FBXO11: variants seen among roughly 807,000 people sequenced by gnomAD.
The protein encoded by FBXO11 is F-box protein 11.
In FBXO11, 13 loss-of-function variants were observed where a neutral mutation model predicts 117.0. That is an observed-to-expected ratio of 0.11 (90% CI 0.07 to 0.18). The LOEUF (loss-of-function observed/expected upper bound fraction) is 0.18. FBXO11 is among the 10% of genes least tolerant of loss of function. FBXO11 has a pLI of 1.00. For missense variants in FBXO11, 767 were observed against 1,164.4 expected (o/e 0.66, Z 4.97); for synonymous variants, 490 against 380.5 (o/e 1.29, Z -3.35).
chr2:47,809,573 T>C (rs1473655496), intron 20 of FBXO11, 27 bp downstream of exon 20: 2 of 1,483,230 alleles, frequency 1.3e-6, no homozygotes, highest in Non-Finnish European at 1.9e-6. Context: ...TTGCATATAT[T>C]TATAGGTATA....
chr2:47,886,648 T>A (rs549248990), intron 1 of FBXO11, among the ~76,000 whole-genome samples: 23 of 152,284 alleles, frequency 1.5e-4, no homozygotes, highest in Non-Finnish European at 2.9e-4. Flanking sequence ...TTGTGGTACA[T>A]TCATGTAAGG....
chr2:47,809,082 A>G lies in FBXO11; in HGVS notation c.2555+76T>C, dbSNP rs571861240. 3 of 920,014 alleles carry G rather than the reference A, an allele frequency of 3.3e-6. No homozygotes were observed. In the East Asian group the frequency reaches 7.6e-5, roughly 23 times the overall value. The allele number at this position is 920,014 out of a possible 1,614,324, so 57.0% of individuals were successfully genotyped here. ...TAGTCTCAACACCGGCAAATAGCCAAAAATGCTAGGCATTGCTAATTTAAA... is the reference window on the plus strand; with the variant it reads ...TAGTCTCAACACCGGCAAATAGCCAGAAATGCTAGGCATTGCTAATTTAAA... On this transcript the variant is annotated intron_variant, in intron 21 of 22. Coordinates refer to ENST00000403359, the MANE Select transcript of FBXO11 (RefSeq NM_001190274.2).
In FBXO11 at chr2:47,903,941, A is replaced by G. The variant is rs570342951; in HGVS notation, c.232+1548T>C. Among the ~76,000 whole-genome samples the G allele has an allele frequency of 3.9e-5, 6 of 152,346 alleles. No homozygotes were observed. In the South Asian group the frequency reaches 1.0e-3, roughly 26 times the overall value. ...AATGGTAAATGTATCAAAGAAATAA[A>G]ACACTTTTACCAATTATGTTGCACA... On this transcript the variant is annotated intron_variant, in intron 1 of 22. Transcript: ENST00000403359.
chr2:47,870,285 C>T (rs761951607), intron 1 of FBXO11, among the ~76,000 whole-genome samples: 5 of 152,150 alleles, frequency 3.3e-5, no homozygotes, highest in Non-Finnish European at 2.9e-5. Flanking sequence ...CTGTACTACC[C>T]ATAAATCTAA....
At chr2:47,859,010 C>T (rs1285804847) in intron 1 of FBXO11, among the ~76,000 whole-genome samples, 1 of 145,254 alleles carries the variant, frequency 6.9e-6, no homozygotes, top group African/African-American at 2.5e-5. Context: ...CTCTGCACTC[C>T]AGCCTGGGCG....
intron 13 of FBXO11, among the ~76,000 whole-genome samples, chr2:47,821,201 G>C (rs6732695): frequency 2.1e-4 from 32 of 152,316 alleles, no homozygotes; most frequent in African/African-American, 7.5e-4. Flanking sequence ...GCCAGGCGTG[G>C]TGGCTCATAC....
intron 1 of FBXO11, among the ~76,000 whole-genome samples, chr2:47,902,922 A>G (rs1678405685): frequency 6.6e-6 from 1 of 151,544 alleles, no homozygotes; most frequent in Non-Finnish European, 1.5e-5. Flanking sequence ...AAAAGGTTAA[A>G]AAAAAAAAAA....
intron 15 of FBXO11, 34 bp from the exon 16 acceptor site, chr2:47,818,898 A>G: frequency 3.2e-6 from 5 of 1,574,884 alleles, no homozygotes; most frequent in Non-Finnish European, 4.3e-6. Context: ...AGCTTTTTCA[A>G]GGGACAAGTA....
At chr2:47,837,153 A>G in intron 4 of FBXO11, 1 of 176,592 alleles carries the variant, frequency 5.7e-6, no homozygotes, top group Non-Finnish European at 1.2e-5. Context: ...GCTAACTATT[A>G]TCATTTCTGG....
In FBXO11 at chr2:47,876,673, T is replaced by C. The variant is rs190537456; in HGVS notation, c.232+28816A>G. On this transcript the variant is annotated intron_variant, in intron 1 of 22. Transcript: ENST00000403359. ...GGCATTTTTCATTTTGAAAAGCTTT[T>C]ATGTTTTATGATCTGCAATTTCACT... Among the ~76,000 whole-genome samples, 188 of 152,342 alleles carry C rather than the reference T, an allele frequency of 1.2e-3. 1 individual carries two copies. The highest frequency in any genetic ancestry group is 4.3e-3 in the African/African-American group (179 of 41,590).
In FBXO11 at chr2:47,905,729, C is replaced by G; in HGVS notation, c.-9G>C. On this transcript the variant is annotated 5_prime_UTR_variant, in exon 1 of 23. Transcript: ENST00000403359. ...GCTCGGACGGAGTTCATTTGCCGGG[C>G]TGAGGTGGCGGCGTTGGCGGAGGGA... is the stretch of plus-strand genomic sequence containing the variant. 2.0e-6 allele frequency: 3 copies of G among 1,513,814 alleles called. No individual in the cohort carries two copies. Among genetic ancestry groups the G allele is most frequent in the Non-Finnish European group, 2.7e-6 (3 of 1,131,906 alleles). 93.8% of individuals were successfully genotyped at this position (1,513,814 alleles called of 1,614,324 possible).
chr2:47,852,243 G>A (rs186252333), intron 1 of FBXO11, among the ~76,000 whole-genome samples: 49 of 152,214 alleles, frequency 3.2e-4, no homozygotes, highest in Admixed American at 9.8e-4. Flanking sequence ...ACCTGCCTCG[G>A]CCTCCCAAAG....
chr2:47,838,797 G>A, intron 4 of FBXO11, 62 bp downstream of exon 4: 4 of 1,520,548 alleles, frequency 2.6e-6, no homozygotes, highest in Non-Finnish European at 3.6e-6. Context: ...TTCCTACCAT[G>A]TTTAGCATTT....
At chr2:47,889,052 G>A (rs531066618) in intron 1 of FBXO11, among the ~76,000 whole-genome samples, 1 of 152,132 alleles carries the variant, frequency 6.6e-6, no homozygotes, top group African/African-American at 2.4e-5. Context: ...CATTCACTAA[G>A]TGTCTATGTG....
intron 1 of FBXO11, among the ~76,000 whole-genome samples, chr2:47,864,906 A>G (rs1311962811): frequency 6.6e-6 from 1 of 152,250 alleles, no homozygotes; most frequent in Non-Finnish European, 1.5e-5. Context: ...TTATTTGCCA[A>G]CAATACTTTA....
chr2:47,819,362 T>C (rs1440760991), intron 14 of FBXO11, among the ~76,000 whole-genome samples: 46 of 152,232 alleles, frequency 3.0e-4, no homozygotes, highest in Non-Finnish European at 7.4e-5. Flanking sequence ...ATTACAGGCG[T>C]CTGCCACCAC....
At chr2:47,870,846 T>C (rs927107567) in intron 1 of FBXO11, among the ~76,000 whole-genome samples, 4 of 152,178 alleles carry the variant, frequency 2.6e-5, no homozygotes, top group Admixed American at 2.0e-4. Context: ...CTACAAATAA[T>C]ATGGCAATGA....
In FBXO11 at chr2:47,822,298, T is replaced by C; in HGVS notation, c.1622A>G (p.Asn541Ser). Residue 541 changes from asparagine (N) to serine (S), a missense_variant, in exon 13 of 23, where the codon AAT (asparagine) becomes AGT (serine). Asn to Ser is a conservative substitution (Grantham distance 46). This residue lies in a region of FBXO11 where 67 missense variants were observed against 148.8 expected (regional missense o/e 0.45). Coordinates refer to ENST00000403359, the MANE Select transcript of FBXO11 (RefSeq NM_001190274.2). ...TCCTTGATTTCCATTAAATATAGAA[T>C]TTCCCCTATAATTATGCGAAATAAA... The part of the protein sequence containing the change: ...TSNSDPTIRG[N>S]SIFNGNQGGV... 6.4e-7 allele frequency: 1 copy of C among 1,573,680 alleles called. No homozygotes were observed. The highest frequency in any genetic ancestry group is 8.7e-7 in the Non-Finnish European group (1 of 1,155,850).
chr2:47,824,452 A>G (rs1671603565), intron 11 of FBXO11, among the ~76,000 whole-genome samples: 2 of 152,178 alleles, frequency 1.3e-5, no homozygotes, highest in African/African-American at 4.8e-5. Flanking sequence ...TAATCACACC[A>G]TCGCACTCCA....
Sources: allele counts gnomAD v4.1 joint callset (sites outside exome capture counted in the v4.1 genomes callset), GRCh38; gene constraint gnomAD v4.1.1; regional missense constraint gnomAD v4.1.1; transcripts MANE v1.5; gene names NCBI Gene and HGNC (gene_info 2026-07-23, HGNC 2026-07-21).